The following COL21A1 variants were observed in gnomAD, a reference collection of about 807,000 sequenced individuals.
The protein encoded by COL21A1 is collagen alpha-1(XXI) chain.
A neutral mutation model predicts 137.9 loss-of-function variants in COL21A1; 149 were observed. That is an observed-to-expected ratio of 1.08 (90% CI 0.95 to 1.24). The LOEUF is 1.24. COL21A1 is among the 50% of genes most tolerant of loss of function. The probability of loss-of-function intolerance (pLI) is 0.00; values close to 1 mark genes in which losing one functional copy is unlikely to be tolerated. For missense variants in COL21A1, 1,167 were observed against 1,158.4 expected, an observed-to-expected ratio of 1.01 and a Z score of -0.11; for synonymous variants, 456 against 391.5, an observed-to-expected ratio of 1.16 and a Z score of -1.95.
At chr6:56,121,269 A>G (rs1772476766) in intron 16 of COL21A1, among the ~76,000 whole-genome samples, 2 of 152,170 alleles carry the variant, frequency 1.3e-5, no homozygotes, top group East Asian at 3.9e-4. Context: ...TATTCTTAAG[A>G]GCAAGAAGCC....
chr6:56,057,565 C>A lies in COL21A1; in HGVS notation c.*92G>T, dbSNP rs998542094. The A allele has an allele frequency of 1.1e-5, 14 of 1,227,074 alleles. No homozygotes were observed. The East Asian group carries it at 3.0e-4, about 26-fold the overall frequency. 76.0% of individuals were successfully genotyped at this position (1,227,074 alleles called of 1,614,324 possible). A position where few individuals can be genotyped will look rare whatever the true frequency, so the allele number is the denominator to read the frequency against. On this transcript the variant is annotated 3_prime_UTR_variant, in exon 30 of 30. Transcript: ENST00000244728. ...TAAAAACACCGAGGTACTTAAGTTT[C>A]TTTTCAAGGGATTACTGTTGGTTAT... is the stretch of plus-strand genomic sequence containing the variant.
intron 1 of COL21A1, among the ~76,000 whole-genome samples, chr6:56,370,973 A>G (rs1003288349): frequency 2.0e-5 from 3 of 152,324 alleles, no homozygotes; most frequent in African/African-American, 7.2e-5. Context: ...TAATCTTTTT[A>G]TGGAAAAAGG....
intron 16 of COL21A1, among the ~76,000 whole-genome samples, chr6:56,122,599 C>T (rs1021711130): frequency 4.6e-5 from 7 of 152,282 alleles, no homozygotes; most frequent in East Asian, 3.9e-4. Context: ...GAATTCTACA[C>T]ATTAAATGGG....
At chr6:56,099,036 C>G (rs946535270) in intron 17 of COL21A1, among the ~76,000 whole-genome samples, 2 of 150,508 alleles carry the variant, frequency 1.3e-5, no homozygotes, top group African/African-American at 2.4e-5. Flanking sequence ...TTTCTTTTAT[C>G]TTTTTAGGTT....
At chr6:56,172,985 G>A (rs552573026) in intron 3 of COL21A1, among the ~76,000 whole-genome samples, 42 of 151,854 alleles carry the variant, frequency 2.8e-4, no homozygotes, top group African/African-American at 1.0e-3. Context: ...AAAAAAGAGG[G>A]ACAAAAAGCT....
At chr6:56,218,759 C>T (rs563471211) in intron 1 of COL21A1, among the ~76,000 whole-genome samples, 44 of 152,108 alleles carry the variant, frequency 2.9e-4, no homozygotes, top group South Asian at 8.3e-4. Flanking sequence ...ACACCAACAA[C>T]GCATTTGGCC....
chr6:56,291,013 G>C (rs990384396), intron 1 of COL21A1, among the ~76,000 whole-genome samples: 1 of 152,048 alleles, frequency 6.6e-6, no homozygotes, highest in African/African-American at 2.4e-5. Context: ...ACCAGCGACT[G>C]GGCATTACCC....
intron 1 of COL21A1, among the ~76,000 whole-genome samples, chr6:56,385,650 A>G (rs2094016700): frequency 6.6e-6 from 1 of 152,152 alleles, no homozygotes; most frequent in Non-Finnish European, 1.5e-5. Flanking sequence ...TGCAGCCACC[A>G]TCTATATCAA....
intron 1 of COL21A1, among the ~76,000 whole-genome samples, chr6:56,320,547 A>G (rs201319015): frequency 8.3e-6 from 1 of 120,320 alleles, no homozygotes; most frequent in Non-Finnish European, 1.8e-5. Flanking sequence ...ACACACACAC[A>G]CCCCTCCCAC....
intron 1 of COL21A1, among the ~76,000 whole-genome samples, chr6:56,372,191 C>A (rs571252452): frequency 6.6e-6 from 1 of 152,292 alleles, no homozygotes; most frequent in Non-Finnish European, 1.5e-5. Flanking sequence ...CTGTACAAAT[C>A]CACAAATCTT....
At chr6:56,214,087 T>A (rs537420704) in intron 1 of COL21A1, among the ~76,000 whole-genome samples, 1 of 152,210 alleles carries the variant, frequency 6.6e-6, no homozygotes, top group East Asian at 1.9e-4. Context: ...AATGTGAATA[T>A]TTGTATAATT....
intron 1 of COL21A1, among the ~76,000 whole-genome samples, chr6:56,370,713 CT>C (rs1317654308): frequency 2.6e-5 from 4 of 152,168 alleles, no homozygotes; most frequent in African/African-American, 9.7e-5. Flanking sequence ...CTCTGGTCTT[CT>C]TTTTTTCCAT....
At chr6:56,332,858 A>G (rs964554148) in intron 1 of COL21A1, among the ~76,000 whole-genome samples, 2 of 152,196 alleles carry the variant, frequency 1.3e-5, no homozygotes, top group African/African-American at 4.8e-5. Flanking sequence ...CCATTATTCA[A>G]TGGGTATGTT....
intron 1 of COL21A1, among the ~76,000 whole-genome samples, chr6:56,217,987 A>G (rs1780596196): frequency 6.6e-6 from 1 of 152,134 alleles, no homozygotes; most frequent in Non-Finnish European, 1.5e-5. Context: ...ATGACATGTC[A>G]TGATGAAACC....
intron 16 of COL21A1, among the ~76,000 whole-genome samples, chr6:56,111,683 G>T (rs1771442691): frequency 6.8e-6 from 1 of 146,758 alleles, no homozygotes; most frequent in East Asian, 2.0e-4. Context: ...GGCCAACATG[G>T]TGAAATCCCA....
At chr6:56,229,566 A>G (rs1274767744) in intron 1 of COL21A1, among the ~76,000 whole-genome samples, 2 of 151,956 alleles carry the variant, frequency 1.3e-5, no homozygotes, top group Non-Finnish European at 2.9e-5. Flanking sequence ...GTTGTGCCTT[A>G]TAACAACAAA....
intron 1 of COL21A1, among the ~76,000 whole-genome samples, chr6:56,371,558 G>C (rs1226812602): frequency 5.9e-5 from 9 of 152,252 alleles, no homozygotes; most frequent in Admixed American, 1.3e-4. Flanking sequence ...CCAGCTCCTG[G>C]GTAGACTGGA....
chr6:56,157,681 A>T (rs1775862187), intron 9 of COL21A1, among the ~76,000 whole-genome samples: 1 of 152,166 alleles, frequency 6.6e-6, no homozygotes, highest in South Asian at 2.1e-4. Context: ...TATTTATTTT[A>T]AAAATAGTCT....
chr6:56,060,197 T>A lies in COL21A1; in HGVS notation c.2429A>T (p.Gln810Leu), dbSNP rs770804500. Residue 810 changes from glutamine to leucine, a missense_variant, in exon 28 of 30, where the codon CAG becomes CTG. Coordinates refer to ENST00000244728, the MANE Select transcript of COL21A1 (RefSeq NM_030820.4). The part of the protein sequence containing the change: ...VIRAQLPVLL[Q>L]SGRIRNCDHC... ...ATCACAATTTCTAATTCTTCCACTCTGAAGTAAGACTGGTAGCTGGGCTTT... is the reference window on the plus strand; with the variant it reads ...ATCACAATTTCTAATTCTTCCACTCAGAAGTAAGACTGGTAGCTGGGCTTT... The A allele has an allele frequency of 1.1e-5, 18 of 1,605,710 alleles. No homozygotes were observed. The highest frequency in any genetic ancestry group is 1.4e-5 in the Non-Finnish European group (17 of 1,177,196).
Sources: allele counts gnomAD v4.1 joint callset (sites outside exome capture counted in the v4.1 genomes callset), GRCh38; gene constraint gnomAD v4.1.1; transcripts MANE v1.5; gene names NCBI Gene and HGNC (gene_info 2026-07-23, HGNC 2026-07-21).